YIF1A: variants seen among roughly 807,000 people sequenced by gnomAD.
The protein encoded by YIF1A is protein YIF1A.
YIF1A carries 28 observed loss-of-function variants against 32.6 expected under a neutral mutation model. The observed-to-expected ratio is 0.86, with a 90% CI of 0.64 to 1.18. The LOEUF (loss-of-function observed/expected upper bound fraction) is 1.18, where lower values mean the gene tolerates loss of function less well. Ranked by LOEUF, YIF1A falls within the 50% of genes most tolerant of loss-of-function variation. YIF1A has a pLI of 0.00. For synonymous variants in YIF1A, 175 were observed against 162.2 expected (o/e 1.08, Z -0.60); for missense variants, 373 against 390.8 (o/e 0.95, Z 0.38).
intron 4 of YIF1A, chr11:66,287,024 G>T: frequency 6.3e-6 from 1 of 157,618 alleles, no homozygotes; most frequent in Non-Finnish European, 1.4e-5. Flanking sequence ...CCTGAAAAAT[G>T]CCATGTGGAC....
rs2134892221 is a variant in YIF1A at position 66,288,957 on chromosome 11, T to G, written c.29A>C (p.His10Pro). 6.4e-7 allele frequency: 1 copy of G among 1,551,972 alleles called. No homozygotes were observed. Among genetic ancestry groups the G allele is most frequent in the East Asian group, 2.5e-5 (1 of 40,704 alleles). Reference sequence around the variant, plus strand: ...CGCCCCGCCCGCGCCCCACGCACCGTGGGCTCCGTAGCCCGAGTGATAAGC... The same window carrying G: ...CGCCCCGCCCGCGCCCCACGCACCGGGGGCTCCGTAGCCCGAGTGATAAGC... MAYHSGYGA[H>P]GSKHRARAAP... The change falls in exon 1 of 8, where the codon CAC becomes CCC. Residue 10 changes from histidine to proline, a missense_variant and splice_region_variant. Physicochemically the swap from His to Pro is moderately conservative, Grantham distance 77. Transcript: ENST00000376901.
In YIF1A at chr11:66,287,684, T is replaced by A. The variant is rs768481320; in HGVS notation, c.349-8A>T. On this transcript the variant is annotated splice_polypyrimidine_tract_variant and splice_region_variant and intron_variant, in intron 3 of 7. Transcript: ENST00000376901. ...GTACTGCACTTCCCAGTTCTGGCAGTGGCAGTGGCAGCAGCGGCCACATCA... is the reference window on the plus strand; with the variant it reads ...GTACTGCACTTCCCAGTTCTGGCAGAGGCAGTGGCAGCAGCGGCCACATCA... The A allele has an allele frequency of 1.2e-6, 2 of 1,611,538 alleles. No individual in the cohort carries two copies. Among genetic ancestry groups the A allele is most frequent in the Non-Finnish European group, 1.7e-6 (2 of 1,178,786 alleles).
chr11:66,285,094 C>T, intron 6 of YIF1A, 128 bp from the exon 7 acceptor site: 1 of 1,030,628 alleles, frequency 9.7e-7, no homozygotes, highest in South Asian at 1.6e-5. Flanking sequence ...AATCTGTCCC[C>T]ACAGGGACCC....
chr11:66,285,171 T>C (rs1299680755), intron 6 of YIF1A: 2 of 896,334 alleles, frequency 2.2e-6, no homozygotes, highest in Non-Finnish European at 3.3e-6. Context: ...CCCCCTTCTC[T>C]CCCCAAGACT....
rs756330560 is a variant in YIF1A, at chr11:66,285,430, C to T, written c.592G>A (p.Asp198Asn). ...GCCAGCAGGTGAAAGGTGCTCAGGT[C>T]ACTGCGCACGGTGGCCAGGTAGAGG... is the stretch of plus-strand genomic sequence containing the variant. ...LGLYLATVRS[D>N]LSTFHLLAYS... Residue 198 changes from aspartate to asparagine, a missense_variant, in exon 6 of 8, where the codon GAC (aspartate) becomes AAC (asparagine). Transcript: ENST00000376901. 2 of 1,613,326 alleles carry T rather than the reference C, an allele frequency of 1.2e-6. No individual in the cohort carries two copies. Among genetic ancestry groups the T allele is most frequent in the South Asian group, 2.2e-5 (2 of 91,090 alleles).
chr11:66,284,948 G>A lies in YIF1A; in HGVS notation c.660C>T (p.Leu220=). 3 of 1,613,340 alleles carry A rather than the reference G, an allele frequency of 1.9e-6. No individual in the cohort carries two copies. The highest frequency in any genetic ancestry group is 2.5e-6 in the Non-Finnish European group (3 of 1,180,002). ...YKYVGMILSV[L]TGLLFGSDGY... ...CATCGCTGCCGAACAGCAGCCCCGT[G>A]AGCACACTGAGGATCATTCTGGGGG... Residue 220 remains leucine, a synonymous_variant, in exon 7 of 8, where the codon CTC becomes CTT. Transcript: ENST00000376901.
rs137996687 is a variant in YIF1A, at chr11:66,286,171, A to G, written c.428-413T>C. Among the ~76,000 whole-genome samples the G allele has an allele frequency of 3.9e-5, 6 of 152,382 alleles. No individual in the cohort carries two copies. The East Asian group carries it at 1.2e-3, about 29-fold the overall frequency. On this transcript the variant is annotated intron_variant, in intron 4 of 7. Coordinates refer to ENST00000376901, the MANE Select transcript of YIF1A (RefSeq NM_020470.3). ...TCATGGAGATGACCTCACCGCAGTCAGCAATTCTAAGTCTCAGCACTGGCT... is the reference window on the plus strand; with the variant it reads ...TCATGGAGATGACCTCACCGCAGTCGGCAATTCTAAGTCTCAGCACTGGCT...
chr11:66,285,319 C>T lies in YIF1A; in HGVS notation c.641+62G>A, dbSNP rs927143849. 1.2e-5 allele frequency: 19 copies of T among 1,573,260 alleles called. No individual in the cohort carries two copies. The Admixed American group carries it at 1.7e-4, about 14-fold the overall frequency. ...CCGAGACATGTCCAGGGTCACAGTT[C>T]GAGGCTACAGCTATGCAGGCCCAGA... On this transcript the variant is annotated intron_variant, in intron 6 of 7. Coordinates refer to ENST00000376901, the MANE Select transcript of YIF1A (RefSeq NM_020470.3).
At position 66,289,011 on chromosome 11, in the gene YIF1A, G is replaced by A. The variant is rs1222421443; in HGVS notation, c.-26C>T. ...GGCCGCGACGCTCGCTGTCCCCGAG[G>A]GCCCGCTGCGCCGCCTCGTGGGTAC... On this transcript the variant is annotated 5_prime_UTR_variant, in exon 1 of 8. Transcript: ENST00000376901. The A allele has an allele frequency of 6.3e-7, 1 of 1,575,156 alleles. No individual in the cohort carries two copies. The highest frequency in any genetic ancestry group is 8.6e-7 in the Non-Finnish European group (1 of 1,168,948).
chr11:66,287,503 T>G, intron 4 of YIF1A, 95 bp downstream of exon 4: 1 of 1,372,684 alleles, frequency 7.3e-7, no homozygotes, highest in Non-Finnish European at 1.0e-6. Flanking sequence ...AGATGCTGAC[T>G]CAGTAGCTGC....
intron 4 of YIF1A, chr11:66,287,184 G>C (rs1857369435): frequency 5.3e-6 from 1 of 190,438 alleles, no homozygotes; most frequent in African/African-American, 2.3e-5. Context: ...TGTGTGCCAG[G>C]TGAGGTGCTG....
chr11:66,284,808 T>TG (rs761571947), intron 7 of YIF1A, 25 bp from the exon 8 acceptor site: 15 of 1,610,648 alleles, frequency 9.3e-6, no homozygotes, highest in Non-Finnish European at 1.2e-5. Flanking sequence ...AACTGAAGCC[T>TG]GGCCAGGAGG....
rs756995950 is a variant in YIF1A at position 66,284,730 on chromosome 11, G to T, written c.789C>A (p.Val263=). The T allele has an allele frequency of 5.6e-6, 9 of 1,612,296 alleles. No homozygotes were observed. The South Asian group carries it at 6.6e-5, about 12-fold the overall frequency. Residue 263 remains valine (V), a synonymous_variant, in exon 8 of 8, where the codon GTC becomes GTA. Transcript: ENST00000376901. ...ALGPDSMGGP[V]PRQRLQLYLT... ...GGTAGAGCTGGAGACGCTGCCGGGG[G>T]ACGGGGCCCCCCATGCTGTCGGGGC... is the stretch of plus-strand genomic sequence containing the variant.
intron 1 of YIF1A, 76 bp from the exon 2 acceptor site, chr11:66,288,368 G>A: frequency 6.4e-7 from 1 of 1,574,574 alleles, no homozygotes; most frequent in Non-Finnish European, 8.7e-7. Context: ...TTCCCTGGCT[G>A]GACAGCCCTG....
In YIF1A at chr11:66,287,633, C is replaced by CG. The variant is rs761507279; in HGVS notation, c.391dup (p.Arg131ProfsTer8). 101 of 1,613,190 alleles carry CG rather than the reference C, an allele frequency of 6.3e-5. No homozygotes were observed. Among genetic ancestry groups the CG allele is most frequent in the Admixed American group, 4.2e-4 (25 of 59,950 alleles). ...GAGGTCAGGGGCGTTGAGGTCTTGCCGGGGGGGCAGAGGAGCATCACGACT... is the reference window on the plus strand; with the variant it reads ...GAGGTCAGGGGCGTTGAGGTCTTGCCGGGGGGGGCAGAGGAGCATCACGACT... On this transcript the variant is annotated frameshift_variant, in exon 4 of 8. Transcript: ENST00000376901. LOFTEE classifies it high-confidence loss of function.
chr11:66,288,964 C>G lies in YIF1A; in HGVS notation c.22G>C (p.Gly8Arg), dbSNP rs1200477986. The G allele has an allele frequency of 5.7e-6, 9 of 1,566,722 alleles. No homozygotes were observed. The highest frequency in any genetic ancestry group is 1.2e-5 in the South Asian group (1 of 86,436). The change falls in exon 1 of 8, where the codon GGA (glycine) becomes CGA (arginine). Residue 8 changes from glycine (G) to arginine (R), a missense_variant. Gly to Arg is a moderately radical substitution (Grantham distance 125). Transcript: ENST00000376901. MAYHSGY[G>R]AHGSKHRARA... ...CCCGCGCCCCACGCACCGTGGGCTCCGTAGCCCGAGTGATAAGCCATGGCC... is the reference window on the plus strand; with the variant it reads ...CCCGCGCCCCACGCACCGTGGGCTCGGTAGCCCGAGTGATAAGCCATGGCC...
chr11:66,287,588 G>A lies in YIF1A; in HGVS notation c.427+10C>T. 3.8e-6 allele frequency: 6 copies of A among 1,582,588 alleles called. No individual in the cohort carries two copies. The highest frequency in any genetic ancestry group is 5.2e-6 in the Non-Finnish European group (6 of 1,155,986). On this transcript the variant is annotated intron_variant, in intron 4 of 7. Coordinates refer to ENST00000376901, the MANE Select transcript of YIF1A (RefSeq NM_020470.3). ...CCCACCACGTTCCCCAGCCCAGGTT[G>A]GAGACTCACTGGGGATATAGAGGTC...
chr11:66,286,616 G>C (rs2134888328), intron 4 of YIF1A, among the ~76,000 whole-genome samples: 1 of 152,242 alleles, frequency 6.6e-6, no homozygotes, highest in East Asian at 1.9e-4. Context: ...GACAGAGTGA[G>C]ACCCTGTCTC....
chr11:66,286,031 T>C (rs1857352379), intron 4 of YIF1A, among the ~76,000 whole-genome samples: 1 of 152,222 alleles, frequency 6.6e-6, no homozygotes, highest in African/African-American at 2.4e-5. Context: ...CTGCTGCATC[T>C]CAGAAACTGT....
Sources: allele counts gnomAD v4.1 joint callset (sites outside exome capture counted in the v4.1 genomes callset), GRCh38; gene constraint gnomAD v4.1.1; transcripts MANE v1.5; gene names NCBI Gene and HGNC (gene_info 2026-07-23, HGNC 2026-07-21).